PCDH9: variants seen among roughly 807,000 people sequenced by gnomAD.
PCDH9 encodes the protein protocadherin 9.
PCDH9 carries 24 observed loss-of-function variants against 70.6 expected under a neutral mutation model. The observed-to-expected ratio is 0.34, with a 90% CI of 0.25 to 0.48. PCDH9 has a LOEUF of 0.48. PCDH9 is among the 20% of genes least tolerant of loss of function. The probability of loss-of-function intolerance (pLI) is 0.99; values close to 1 mark genes in which losing one functional copy is unlikely to be tolerated. For synonymous variants in PCDH9, 562 were observed against 558.5 expected (o/e 1.01, Z -0.09); for missense variants, 1,281 against 1,503.6 (o/e 0.85, Z 2.45).
At chr13:66,360,408 G>A (rs1445482981) in intron 4 of PCDH9, among the ~76,000 whole-genome samples, 1 of 152,076 alleles carries the variant, frequency 6.6e-6, no homozygotes, top group Non-Finnish European at 1.5e-5. Flanking sequence ...GTGATTCTCA[G>A]AGGACGTTTC....
chr13:66,995,001 G>A (rs2084082819), intron 2 of PCDH9, among the ~76,000 whole-genome samples: 1 of 152,140 alleles, frequency 6.6e-6, no homozygotes, highest in Non-Finnish European at 1.5e-5. Flanking sequence ...TTAAACAAGA[G>A]CCTTGGGAGG....
At chr13:66,428,593 C>T (rs924188155) in intron 4 of PCDH9, among the ~76,000 whole-genome samples, 1 of 151,716 alleles carries the variant, frequency 6.6e-6, no homozygotes, top group Non-Finnish European at 1.5e-5. Context: ...TTACCCTCAG[C>T]ATCCTTATTT....
intron 4 of PCDH9, among the ~76,000 whole-genome samples, chr13:66,540,294 G>A (rs1051883244): frequency 3.7e-4 from 57 of 152,064 alleles, no homozygotes; most frequent in Non-Finnish European, 2.9e-4. Flanking sequence ...TGAAGGAACC[G>A]CTGAAAAGCA....
At chr13:67,112,629 TC>T (rs2086678842) in intron 2 of PCDH9, among the ~76,000 whole-genome samples, 1 of 152,090 alleles carries the variant, frequency 6.6e-6, no homozygotes, top group South Asian at 2.1e-4. Context: ...CTTCCTTTCT[TC>T]CTTTCTCTCT....
At chr13:66,324,606 A>G (rs1016286319) in intron 4 of PCDH9, among the ~76,000 whole-genome samples, 1 of 152,060 alleles carries the variant, frequency 6.6e-6, no homozygotes, top group South Asian at 2.1e-4. Flanking sequence ...AATAGCCTAA[A>G]GTGAAAATGC....
chr13:67,211,336 C>T (rs988708271), intron 2 of PCDH9: 1 of 151,904 alleles, frequency 6.6e-6, no homozygotes, highest in African/African-American at 2.4e-5. Context: ...GATTTAGGCA[C>T]CAGCTTGATG....
intron 3 of PCDH9, among the ~76,000 whole-genome samples, chr13:66,859,559 C>A (rs773833387): frequency 3.5e-4 from 53 of 152,130 alleles, no homozygotes; most frequent in Non-Finnish European, 8.8e-5. Flanking sequence ...GCACAAAAAT[C>A]ATTTGAGTGC....
At chr13:66,948,007 G>A (rs944578207) in intron 2 of PCDH9, among the ~76,000 whole-genome samples, 1 of 152,076 alleles carries the variant, frequency 6.6e-6, no homozygotes, top group Non-Finnish European at 1.5e-5. Context: ...AGCATGGGGG[G>A]ATGATGTGAG....
chr13:67,202,365 T>C (rs118018058), intron 2 of PCDH9: 8 of 152,108 alleles, frequency 5.3e-5, no homozygotes, highest in Non-Finnish European at 8.8e-5. Context: ...AAAAGCAATA[T>C]GAGAAAACCT....
At chr13:66,726,155 G>C (rs2079002703) in intron 3 of PCDH9, among the ~76,000 whole-genome samples, 1 of 152,042 alleles carries the variant, frequency 6.6e-6, no homozygotes, top group Non-Finnish European at 1.5e-5. Flanking sequence ...AGAAAGAGGA[G>C]ACATACACAT....
chr13:66,342,260 A>G (rs1172288545), intron 4 of PCDH9, among the ~76,000 whole-genome samples: 2 of 152,218 alleles, frequency 1.3e-5, no homozygotes, highest in East Asian at 1.9e-4. Flanking sequence ...GCAAAATTTT[A>G]AGTGTGAGAA....
At chr13:66,408,170 T>C (rs1397533494) in intron 4 of PCDH9, among the ~76,000 whole-genome samples, 1 of 151,464 alleles carries the variant, frequency 6.6e-6, no homozygotes, top group Non-Finnish European at 1.5e-5. Context: ...GCCATTCTCC[T>C]GCCTCAGCCT....
intron 4 of PCDH9, among the ~76,000 whole-genome samples, chr13:66,627,695 A>C (rs2077516719): frequency 1.3e-5 from 2 of 152,118 alleles, no homozygotes; most frequent in South Asian, 4.1e-4. Flanking sequence ...TTTAGTGATC[A>C]TTATTCTTGT....
At chr13:66,732,900 G>T (rs1404578257) in intron 3 of PCDH9, among the ~76,000 whole-genome samples, 1 of 151,980 alleles carries the variant, frequency 6.6e-6, no homozygotes, top group Non-Finnish European at 1.5e-5. Context: ...AGTTCTAAGA[G>T]CTTCCTTTAC....
intron 3 of PCDH9, among the ~76,000 whole-genome samples, chr13:66,669,434 T>TG (rs926697097): frequency 1.3e-5 from 2 of 152,196 alleles, no homozygotes; most frequent in Admixed American, 6.5e-5. Flanking sequence ...CTATCTTTTT[T>TG]TTGTTGTTGT....
intron 2 of PCDH9, among the ~76,000 whole-genome samples, chr13:67,004,897 T>A (rs1171772381): frequency 6.6e-6 from 1 of 152,112 alleles, no homozygotes; most frequent in South Asian, 2.1e-4. Flanking sequence ...ATTATCAGCA[T>A]TGTCCAAGCA....
intron 3 of PCDH9, among the ~76,000 whole-genome samples, chr13:66,756,585 C>A (rs1239586852): frequency 6.6e-6 from 1 of 152,128 alleles, no homozygotes; most frequent in Non-Finnish European, 1.5e-5. Flanking sequence ...TCTACAGCTG[C>A]ATGCCATGGG....
intron 4 of PCDH9, among the ~76,000 whole-genome samples, chr13:66,506,801 C>T (rs1959222546): frequency 6.6e-6 from 1 of 152,188 alleles, no homozygotes; most frequent in Non-Finnish European, 1.5e-5. Flanking sequence ...AAAAAGTGTT[C>T]TGTAAAACCA....
At chr13:67,165,173 T>C (rs1309703631) in intron 2 of PCDH9, among the ~76,000 whole-genome samples, 5 of 152,188 alleles carry the variant, frequency 3.3e-5, no homozygotes, top group Admixed American at 2.6e-4. Flanking sequence ...TATTATTCAC[T>C]TCACTTTACT....
Sources: allele counts gnomAD v4.1 joint callset (sites outside exome capture counted in the v4.1 genomes callset), GRCh38; gene constraint gnomAD v4.1.1; transcripts MANE v1.5; gene names NCBI Gene and HGNC (gene_info 2026-07-23, HGNC 2026-07-21).